CDKAL1: variants seen among roughly 807,000 people sequenced by gnomAD.
The protein encoded by CDKAL1 is threonylcarbamoyladenosine tRNA methylthiotransferase.
Under a neutral mutation model 68.2 loss-of-function variants are expected in CDKAL1, and 32 were observed. The observed-to-expected ratio is 0.47, with a 90% confidence interval of 0.35 to 0.63. The LOEUF (loss-of-function observed/expected upper bound fraction) is 0.63, where lower values mean the gene tolerates loss of function less well. Ranked by LOEUF, CDKAL1 falls within the 30% of genes least tolerant of loss-of-function variation. The pLI is 0.00. For missense variants in CDKAL1, 606 were observed against 696.7 expected (o/e 0.87, Z 1.47); for synonymous variants, 234 against 244.3 (o/e 0.96, Z 0.39).
Position 20,739,505 on chromosome 6 carries a change from C to T in CDKAL1, c.372-14C>T, listed in dbSNP as rs1159938410. ...AGCAAAGGAATTCACATTGTCTTCT[C>T]TTCAATCTTTTAGAAAAGCTCAAGA... On this transcript the variant is annotated splice_polypyrimidine_tract_variant and intron_variant, in intron 5 of 15. Coordinates refer to ENST00000274695, the MANE Select transcript of CDKAL1 (RefSeq NM_017774.3). The T allele has an allele frequency of 6.4e-7, 1 of 1,565,934 alleles. No homozygotes were observed. Among genetic ancestry groups the T allele is most frequent in the Non-Finnish European group, 8.8e-7 (1 of 1,139,194 alleles).
intron 10 of CDKAL1, among the ~76,000 whole-genome samples, chr6:20,968,137 G>A (rs1454314520): frequency 6.8e-6 from 1 of 147,778 alleles, no homozygotes; most frequent in Non-Finnish European, 1.5e-5. Flanking sequence ...GTTGATTAAT[G>A]TTCTTTTTTG....
chr6:20,653,939 G>A (rs953743260), intron 5 of CDKAL1, among the ~76,000 whole-genome samples: 1 of 152,218 alleles, frequency 6.6e-6, no homozygotes, highest in Admixed American at 6.5e-5. Flanking sequence ...TAGAGATGCG[G>A]TTTCACCGTG....
intron 13 of CDKAL1, among the ~76,000 whole-genome samples, chr6:21,173,606 G>A (rs1379526893): frequency 6.6e-6 from 1 of 152,110 alleles, no homozygotes; most frequent in Non-Finnish European, 1.5e-5. Context: ...TACTGTGCTC[G>A]AGGACCTGTG....
rs149189749 is a variant in CDKAL1 at position 21,094,478 on chromosome 6, A to G, written c.1237-13923A>G. 8.0e-3 allele frequency among the ~76,000 whole-genome samples: 1,225 copies of G among 152,318 alleles called. 13 individuals are homozygous for G. The highest frequency in any genetic ancestry group is 0.028 in the African/African-American group (1,163 of 41,554). On this transcript the variant is annotated intron_variant, in intron 12 of 15. Transcript: ENST00000274695. Reference sequence around the variant, plus strand: ...GGGGTTTAAGATTAACAGAGTTGCTAAAAACAAACAACATACACAAAAATA... The same window carrying G: ...GGGGTTTAAGATTAACAGAGTTGCTGAAAACAAACAACATACACAAAAATA...
At chr6:20,557,823 A>G (rs960816232) in intron 4 of CDKAL1, among the ~76,000 whole-genome samples, 1 of 152,100 alleles carries the variant, frequency 6.6e-6, no homozygotes, top group Non-Finnish European at 1.5e-5. Flanking sequence ...GCTACTCAGG[A>G]GGTTGAGGCA....
chr6:20,914,386 G>A lies in CDKAL1; in HGVS notation c.743-41033G>A, dbSNP rs78166528. Among the ~76,000 whole-genome samples, 744 of 152,148 alleles carry A rather than the reference G, an allele frequency of 4.9e-3. 7 individuals carry two copies. Among genetic ancestry groups the A allele is most frequent in the African/African-American group, 0.016 (679 of 41,532 alleles). On this transcript the variant is annotated intron_variant, in intron 9 of 15. Coordinates refer to ENST00000274695, the MANE Select transcript of CDKAL1 (RefSeq NM_017774.3). ...CCACTCTCTCTAAAATGCACCCACC[G>A]CCAAACACTTCCATCTTTTAATCTC...
At chr6:20,566,767 A>G (rs1020501481) in intron 4 of CDKAL1, among the ~76,000 whole-genome samples, 1 of 152,146 alleles carries the variant, frequency 6.6e-6, no homozygotes, top group Non-Finnish European at 1.5e-5. Flanking sequence ...AAAGATTCCC[A>G]TGGTAGGAAA....
At chr6:21,187,734 ATGCTTT>A (rs1562101365) in intron 13 of CDKAL1, among the ~76,000 whole-genome samples, 1 of 152,064 alleles carries the variant, frequency 6.6e-6, no homozygotes, top group African/African-American at 2.4e-5. Flanking sequence ...TCTCTCTCCA[ATGCTTT>A]TGCTTTTGCT....
At chr6:20,843,723 G>A (rs1778265268) in intron 8 of CDKAL1, among the ~76,000 whole-genome samples, 1 of 152,090 alleles carries the variant, frequency 6.6e-6, no homozygotes, top group South Asian at 2.1e-4. Flanking sequence ...TTCAGATTTG[G>A]GAGGATTTCA....
At chr6:20,540,223 G>A (rs922309595) in intron 2 of CDKAL1, among the ~76,000 whole-genome samples, 8 of 151,396 alleles carry the variant, frequency 5.3e-5, no homozygotes, top group Non-Finnish European at 1.0e-4. Context: ...ACAGGCGCTC[G>A]CCACTATGCC....
At chr6:20,894,883 A>C (rs1201608966) in intron 9 of CDKAL1, among the ~76,000 whole-genome samples, 1 of 152,002 alleles carries the variant, frequency 6.6e-6, no homozygotes, top group Non-Finnish European at 1.5e-5. Context: ...GATACTGGTG[A>C]ATTTTCCTCA....
chr6:20,742,401 T>C (rs970126977), intron 6 of CDKAL1, among the ~76,000 whole-genome samples: 1 of 152,184 alleles, frequency 6.6e-6, no homozygotes, highest in Non-Finnish European at 1.5e-5. Context: ...GAAGAGTGAG[T>C]AGAAATAAAA....
intron 4 of CDKAL1, among the ~76,000 whole-genome samples, chr6:20,581,548 T>A (rs1033518343): frequency 6.6e-6 from 1 of 152,216 alleles, no homozygotes; most frequent in Non-Finnish European, 1.5e-5. Context: ...TATCACAAGT[T>A]TCATTAACTT....
chr6:20,558,719 C>T (rs1379958304), intron 4 of CDKAL1: 12 of 388,954 alleles, frequency 3.1e-5, no homozygotes, highest in South Asian at 9.6e-5. Flanking sequence ...ATGTGTTGTT[C>T]GAAGTTGTAG....
At chr6:20,997,123 G>T (rs573577529) in intron 10 of CDKAL1, among the ~76,000 whole-genome samples, 4 of 152,312 alleles carry the variant, frequency 2.6e-5, no homozygotes, top group African/African-American at 9.6e-5. Flanking sequence ...GCAGAGGGAA[G>T]AGTAAAATAT....
intron 13 of CDKAL1, among the ~76,000 whole-genome samples, chr6:21,164,704 C>G (rs1777078053): frequency 6.6e-6 from 1 of 152,096 alleles, no homozygotes; most frequent in Admixed American, 6.5e-5. Flanking sequence ...CCTCATCTTC[C>G]CTGACTACTT....
chr6:20,746,609 A>C (rs1216250775), intron 6 of CDKAL1, among the ~76,000 whole-genome samples: 1 of 152,206 alleles, frequency 6.6e-6, no homozygotes, highest in African/African-American at 2.4e-5. Context: ...TTGAACTTTG[A>C]CTTGTCAGAT....
chr6:20,849,267 T>A (rs1435738946), intron 9 of CDKAL1, among the ~76,000 whole-genome samples: 5 of 152,078 alleles, frequency 3.3e-5, no homozygotes, highest in African/African-American at 1.2e-4. Flanking sequence ...ATAACATGTA[T>A]AAAGTAATTG....
chr6:20,715,441 T>C (rs1373571367), intron 5 of CDKAL1, among the ~76,000 whole-genome samples: 1 of 152,236 alleles, frequency 6.6e-6, no homozygotes, highest in Non-Finnish European at 1.5e-5. Flanking sequence ...ACATTTACTC[T>C]ATCCATTTGT....
Sources: gnomAD v4.1 joint callset for allele counts (sites outside exome capture counted in the v4.1 genomes callset) on GRCh38, gnomAD v4.1.1 for gene constraint, MANE v1.5 for transcripts, NCBI Gene and HGNC (gene_info 2026-07-23, HGNC 2026-07-21) for gene names.